GDAP1: variants seen among roughly 807,000 people sequenced by gnomAD.
GDAP1 encodes ganglioside induced differentiation associated protein 1.
In GDAP1, 34 loss-of-function variants were observed where a neutral mutation model predicts 40.1. That is an observed-to-expected ratio of 0.85 (90% confidence interval 0.64 to 1.13). The LOEUF (loss-of-function observed/expected upper bound fraction) is 1.13, where lower values mean the gene tolerates loss of function less well. GDAP1 is among the 50% of genes most tolerant of loss of function. GDAP1 has a pLI of 0.00. For synonymous variants in GDAP1, 170 were observed against 157.4 expected (o/e 1.08, Z -0.60); for missense variants, 374 against 433.7 (o/e 0.86, Z 1.22).
At chr8:74,410,681 G>A (rs952947811) in intron 2 of GDAP1, among the ~76,000 whole-genome samples, 1 of 150,028 alleles carries the variant, frequency 6.7e-6, no homozygotes, top group African/African-American at 2.5e-5. Flanking sequence ...CAGGAGATGT[G>A]GAGACAAATC....
intron 2 of GDAP1, among the ~76,000 whole-genome samples, chr8:74,485,928 A>G (rs1806770940): frequency 6.6e-6 from 1 of 152,160 alleles, no homozygotes; most frequent in Non-Finnish European, 1.5e-5. Context: ...ACTGACCCAA[A>G]AGTGGTGAGT....
intron 2 of GDAP1, among the ~76,000 whole-genome samples, chr8:74,449,710 T>C (rs895658550): frequency 3.3e-5 from 5 of 151,850 alleles, no homozygotes; most frequent in Non-Finnish European, 5.9e-5. Context: ...TGTATTTTTA[T>C]GTGCAGAATC....
chr8:74,353,942 A>T (rs912957374), intron 2 of GDAP1, among the ~76,000 whole-genome samples: 2 of 152,136 alleles, frequency 1.3e-5, no homozygotes, highest in Non-Finnish European at 2.9e-5. Context: ...ACTGCTGGAG[A>T]ATGTCCCTAA....
At chr8:74,422,281 TTTC>T (rs1454310324) in intron 2 of GDAP1, among the ~76,000 whole-genome samples, 35 of 140,080 alleles carry the variant, frequency 2.5e-4, no homozygotes, top group African/African-American at 8.4e-4. Context: ...TCTTTTCTTT[TTTC>T]TTTTCTTTCT....
intron 2 of GDAP1, chr8:74,488,599 A>G (rs1806804695): frequency 6.6e-6 from 1 of 152,208 alleles, no homozygotes; most frequent in Non-Finnish European, 1.5e-5. Flanking sequence ...ATGTTCTTAC[A>G]AACTATATAA....
At chr8:74,409,822 C>T (rs1805686910) in intron 2 of GDAP1, among the ~76,000 whole-genome samples, 1 of 150,136 alleles carries the variant, frequency 6.7e-6, no homozygotes, top group Non-Finnish European at 1.5e-5. Context: ...TTACCCTTCC[C>T]TAGTTCCTGT....
intron 2 of GDAP1, among the ~76,000 whole-genome samples, chr8:74,456,433 T>C (rs1806337175): frequency 6.6e-6 from 1 of 151,876 alleles, no homozygotes; most frequent in African/African-American, 2.4e-5. Context: ...GGTGCACCTA[T>C]AGGAAAACAG....
intron 2 of GDAP1, among the ~76,000 whole-genome samples, chr8:74,432,761 A>G (rs1027145337): frequency 6.6e-6 from 1 of 152,182 alleles, no homozygotes; most frequent in Non-Finnish European, 1.5e-5. Flanking sequence ...TTGGAGCTGG[A>G]AGGGACTATC....
At chr8:74,448,412 T>C (rs1323581088) in intron 2 of GDAP1, among the ~76,000 whole-genome samples, 2 of 152,142 alleles carry the variant, frequency 1.3e-5, no homozygotes, top group Non-Finnish European at 2.9e-5. Context: ...CATTTGGACA[T>C]TAGTTTTGGT....
At chr8:74,487,806 A>G (rs1806794907) in intron 2 of GDAP1, among the ~76,000 whole-genome samples, 1 of 152,174 alleles carries the variant, frequency 6.6e-6, no homozygotes, top group African/African-American at 2.4e-5. Context: ...TTTGAGGTCC[A>G]CTGAGAGGAA....
downstream of GDAP1, among the ~76,000 whole-genome samples, chr8:74,370,097 G>A (rs1460886215): frequency 6.6e-6 from 1 of 152,168 alleles, no homozygotes; most frequent in Non-Finnish European, 1.5e-5. Flanking sequence ...CAGACTGATG[G>A]AGAATGATAC....
intron 2 of GDAP1, among the ~76,000 whole-genome samples, chr8:74,460,297 C>A (rs1423718009): frequency 2.6e-5 from 4 of 152,162 alleles, no homozygotes; most frequent in African/African-American, 9.7e-5. Flanking sequence ...TTTATTTTGA[C>A]TAAGCATCAA....
At chr8:74,463,694 GA>G (rs1395895194) in intron 2 of GDAP1, among the ~76,000 whole-genome samples, 1 of 152,120 alleles carries the variant, frequency 6.6e-6, no homozygotes, top group Non-Finnish European at 1.5e-5. Context: ...TAATTTAATA[GA>G]AATAAGTAAG....
intron 2 of GDAP1, among the ~76,000 whole-genome samples, chr8:74,432,407 A>G (rs1806039159): frequency 6.6e-6 from 1 of 152,168 alleles, no homozygotes; most frequent in African/African-American, 2.4e-5. Context: ...CCTAAAGCAC[A>G]TTTATGCTTA....
chr8:74,399,228 C>A (rs572593294), intron 2 of GDAP1, among the ~76,000 whole-genome samples: 2 of 143,100 alleles, frequency 1.4e-5, no homozygotes, highest in South Asian at 4.1e-4. Context: ...AATTTCAGAT[C>A]CTGTTATTGG....
Position 74,473,083 on chromosome 8 carries a change from ATTTT to A in GDAP1, c.166-15584_166-15581del, listed in dbSNP as rs34633437. Among the ~76,000 whole-genome samples the A allele has an allele frequency of 5.2e-3, 777 of 148,212 alleles. 6 individuals carry two copies. The highest frequency in any genetic ancestry group is 0.016 in the African/African-American group (645 of 39,986). On this transcript the variant is annotated intron_variant, in intron 2 of 2. Coordinates refer to the GDAP1 transcript ENST00000523640. ...TTTCCTATGCTTGTTGGCTGCATGT[ATTTT>A]TTTTTTTTTTGAAAAGTGCCTGTTT...
At chr8:74,413,781 A>G (rs898105526) in intron 2 of GDAP1, among the ~76,000 whole-genome samples, 1 of 147,638 alleles carries the variant, frequency 6.8e-6, no homozygotes, top group South Asian at 2.1e-4. Flanking sequence ...TTGCAACCAT[A>G]GGAAGTACAT....
Position 74,466,934 on chromosome 8 carries a change from T to TGAAAGGGAATA in GDAP1, c.166-21743_166-21742insAAAGGGAATAG, listed in dbSNP as rs1450731097. 2.0e-5 allele frequency among the ~76,000 whole-genome samples: 3 copies of TGAAAGGGAATA among 152,150 alleles called. No homozygotes were observed. In the East Asian group the frequency reaches 5.8e-4, roughly 29 times the overall value. ...TCAGATAGAGGGGAATAGATGCTGC[T>TGAAAGGGAATA]GCTGAAAGGGAAGAATTACTCAATA... On this transcript the variant is annotated intron_variant, in intron 2 of 2. Transcript: ENST00000523640.
At chr8:74,444,449 G>C (rs1479258642) in intron 2 of GDAP1, among the ~76,000 whole-genome samples, 1 of 152,182 alleles carries the variant, frequency 6.6e-6, no homozygotes, top group East Asian at 1.9e-4. Context: ...TTCTAGGGTA[G>C]TAAAAGTTCA....
Sources: allele counts gnomAD v4.1 joint callset (sites outside exome capture counted in the v4.1 genomes callset), GRCh38; gene constraint gnomAD v4.1.1; transcripts MANE v1.5; gene names NCBI Gene and HGNC (gene_info 2026-07-23, HGNC 2026-07-21).